RYR2: variants seen among roughly 807,000 people sequenced by gnomAD.
RYR2 encodes ryanodine receptor 2.
In RYR2, 227 loss-of-function variants were observed where a neutral mutation model predicts 601.1. The ratio of observed to expected loss-of-function variants is 0.38; its 90% CI spans 0.34 to 0.42. RYR2 has a LOEUF of 0.42. Among genes scored for constraint, RYR2 ranks in the 10% least tolerant of loss-of-function variants. The probability of loss-of-function intolerance (pLI) is 1.00; values close to 1 mark genes in which losing one functional copy is unlikely to be tolerated. For missense variants in RYR2, 4,646 were observed against 6,156.5 expected (o/e 0.75, Z 8.21); for synonymous variants, 2,223 against 2,175.1 (o/e 1.02, Z -0.61).
chr1:237,121,288 G>A lies in RYR2; in HGVS notation c.48+78719G>A, dbSNP rs1049513173. ...GCCTTACTTAGGCTTCTGATGAAAC[G>A]GGGAAAGGAAGAAAGCAAGTGTTTT... On this transcript the variant is annotated intron_variant, in intron 1 of 104. Coordinates refer to ENST00000366574, the MANE Select transcript of RYR2 (RefSeq NM_001035.3). 5.3e-5 allele frequency among the ~76,000 whole-genome samples: 8 copies of A among 152,112 alleles called. No homozygotes were observed. In the East Asian group the frequency reaches 7.7e-4, roughly 15 times the overall value.
intron 1 of RYR2, among the ~76,000 whole-genome samples, chr1:237,194,517 G>A (rs1029085083): frequency 1.3e-5 from 2 of 152,184 alleles, no homozygotes; most frequent in Non-Finnish European, 2.9e-5. Context: ...GCCGAGACAG[G>A]AAGGGATCGG....
intron 12 of RYR2, among the ~76,000 whole-genome samples, chr1:237,439,222 A>C (rs1471961012): frequency 6.6e-6 from 1 of 152,250 alleles, no homozygotes; most frequent in Non-Finnish European, 1.5e-5. Context: ...GAGCTACAGA[A>C]AATGACAGGA....
intron 2 of RYR2, among the ~76,000 whole-genome samples, chr1:237,281,961 AC>A (rs1690923661): frequency 6.6e-6 from 1 of 152,078 alleles, no homozygotes; most frequent in Non-Finnish European, 1.5e-5. Flanking sequence ...GCCCGCTGCC[AC>A]CGTTAGAACC....
At position 237,346,422 on chromosome 1, in the gene RYR2, T is replaced by C. The variant is rs1698321630; in HGVS notation, c.274-9543T>C. On this transcript the variant is annotated intron_variant, in intron 3 of 104. Transcript: ENST00000366574. The stretch of plus-strand genomic sequence containing the variant: ...AGGATTTGAACAAATTCAGAAAACA[T>C]TGAAATAGTATTACATGAACTGTTC... 3.4e-5 allele frequency among the ~76,000 whole-genome samples: 5 copies of C among 149,186 alleles called. No homozygotes were observed. In the South Asian group the frequency reaches 6.3e-4, roughly 19 times the overall value.
chr1:237,550,753 A>C (rs1670307567), intron 27 of RYR2, 62 bp downstream of exon 27: 1 of 1,473,454 alleles, frequency 6.8e-7, no homozygotes, highest in Non-Finnish European at 9.1e-7. Context: ...CTTTAAAGCC[A>C]AATAAATGAA....
chr1:237,721,275 T>G (rs1689696909), intron 73 of RYR2, among the ~76,000 whole-genome samples: 1 of 152,188 alleles, frequency 6.6e-6, no homozygotes, highest in African/African-American at 2.4e-5. Context: ...AGTAAACGGA[T>G]GAAAACATTT....
intron 12 of RYR2, among the ~76,000 whole-genome samples, chr1:237,428,045 A>T (rs1706380376): frequency 6.6e-6 from 1 of 152,180 alleles, no homozygotes; most frequent in Admixed American, 6.5e-5. Context: ...TCAAAACCAC[A>T]ATGAGATACC....
chr1:237,446,782 G>T (rs772219128), intron 14 of RYR2, among the ~76,000 whole-genome samples: 1 of 152,086 alleles, frequency 6.6e-6, no homozygotes, highest in Non-Finnish European at 1.5e-5. Flanking sequence ...AGCTTAAATC[G>T]AATGGGGTAT....
At chr1:237,278,690 T>C (rs967682862) in intron 2 of RYR2, among the ~76,000 whole-genome samples, 1 of 152,162 alleles carries the variant, frequency 6.6e-6, no homozygotes, top group Non-Finnish European at 1.5e-5. Context: ...ACAGTCTGTA[T>C]GAATTTGATT....
intron 35 of RYR2, among the ~76,000 whole-genome samples, chr1:237,604,753 C>T (rs913653528): frequency 2.0e-5 from 3 of 152,020 alleles, no homozygotes; most frequent in Non-Finnish European, 4.4e-5. Flanking sequence ...ACCATCAATC[C>T]CACAGAAATA....
chr1:237,505,581 G>T (rs1665137866), intron 22 of RYR2, among the ~76,000 whole-genome samples: 1 of 152,202 alleles, frequency 6.6e-6, no homozygotes, highest in African/African-American at 2.4e-5. Flanking sequence ...GATATGTATA[G>T]TGCAACCTAA....
intron 24 of RYR2, among the ~76,000 whole-genome samples, chr1:237,526,335 TTTTC>T (rs1274626034): frequency 6.6e-6 from 1 of 151,886 alleles, no homozygotes; most frequent in Non-Finnish European, 1.5e-5. Flanking sequence ...TTATGTCCTT[TTTTC>T]TTTCTTTTCT....
At chr1:237,680,097 A>G (rs551670629) in intron 61 of RYR2, among the ~76,000 whole-genome samples, 13 of 152,354 alleles carry the variant, frequency 8.5e-5, no homozygotes, top group South Asian at 8.3e-4. Flanking sequence ...AGTTGCTATT[A>G]TCAGTTGCAA....
At chr1:237,357,470 G>A (rs1699402276) in intron 4 of RYR2, among the ~76,000 whole-genome samples, 1 of 152,076 alleles carries the variant, frequency 6.6e-6, no homozygotes, top group Admixed American at 6.6e-5. Flanking sequence ...CACTCAAGCT[G>A]CTTTTACTTA....
chr1:237,183,939 C>T (rs745834097), intron 1 of RYR2, among the ~76,000 whole-genome samples: 11 of 152,050 alleles, frequency 7.2e-5, no homozygotes, highest in Non-Finnish European at 1.5e-4. Flanking sequence ...ATTAATTTCC[C>T]GAGAAGTCAA....
intron 10 of RYR2, among the ~76,000 whole-genome samples, chr1:237,398,877 GA>G (rs1253864302): frequency 1.3e-5 from 2 of 152,186 alleles, no homozygotes; most frequent in Non-Finnish European, 2.9e-5. Flanking sequence ...ACTCAGCAGT[GA>G]AATGGAATGG....
In RYR2 at chr1:237,080,704, T is replaced by C. The variant is rs1257632814; in HGVS notation, c.48+38135T>C. Among the ~76,000 whole-genome samples, 9 of 64,648 alleles carry C rather than the reference T, an allele frequency of 1.4e-4. 1 individual carries two copies. In the East Asian group the frequency reaches 3.2e-3, roughly 23 times the overall value. The allele number at this position is 64,648 out of a possible 152,430, so 42.4% of individuals were successfully genotyped here. ...GTGGGACTGTAAACTAGTTCAACCA[T>C]TGTGGAAGTCAGTGTGGCGATTCCT... On this transcript the variant is annotated intron_variant, in intron 1 of 104. Transcript: ENST00000366574.
In RYR2 at chr1:237,280,827, C is replaced by T. The variant is rs970895584; in HGVS notation, c.168+10211C>T. On this transcript the variant is annotated intron_variant, in intron 2 of 104. Coordinates refer to ENST00000366574, the MANE Select transcript of RYR2 (RefSeq NM_001035.3). ...TGAGATGGAGTCTCACTCTGTCTCC[C>T]GGGCTGGAGTGCAGTGGTGCAATCT... Among the ~76,000 whole-genome samples the T allele has an allele frequency of 5.9e-5, 9 of 151,422 alleles. No individual in the cohort carries two copies. The East Asian group carries it at 7.7e-4, about 13-fold the overall frequency.
At chr1:237,777,656 A>T (rs1477394761) in intron 87 of RYR2, among the ~76,000 whole-genome samples, 1 of 152,210 alleles carries the variant, frequency 6.6e-6, no homozygotes, top group Non-Finnish European at 1.5e-5. Flanking sequence ...CCATGAAAAC[A>T]GTCTGCGTGC....
Sources: allele counts gnomAD v4.1 joint callset (sites outside exome capture counted in the v4.1 genomes callset), GRCh38; gene constraint gnomAD v4.1.1; transcripts MANE v1.5; gene names NCBI Gene and HGNC (gene_info 2026-07-23, HGNC 2026-07-21).